EPHA4: variants seen among roughly 807,000 people sequenced by gnomAD.
The protein encoded by EPHA4 is EPH receptor A4, also known as ephrin type-A receptor 4.
In EPHA4, 19 loss-of-function variants were observed where a neutral mutation model predicts 108.3. The ratio of observed to expected loss-of-function variants is 0.18; its 90% CI spans 0.12 to 0.26. EPHA4 has a LOEUF of 0.26. Ranked by LOEUF, EPHA4 falls within the 10% of genes least tolerant of loss-of-function variation. The pLI is 1.00. For synonymous variants in EPHA4, 449 were observed against 455.5 expected, an observed-to-expected ratio of 0.99 and a Z score of 0.18; for missense variants, 917 against 1,254.0, an observed-to-expected ratio of 0.73 and a Z score of 4.06.
chr2:221,459,075 A>AT, intron 5 of EPHA4, among the ~76,000 whole-genome samples: 1 of 152,326 alleles, frequency 6.6e-6, no homozygotes, highest in South Asian at 2.1e-4. Context: ...AGGAACAAAG[A>AT]TAAAAAGTGA....
At chr2:221,434,888 T>G (rs1690183562) in intron 13 of EPHA4, among the ~76,000 whole-genome samples, 1 of 76,350 alleles carries the variant, frequency 1.3e-5, no homozygotes, top group South Asian at 6.0e-4. Flanking sequence ...GGATATTAGT[T>G]GTTATTAAAT....
chr2:221,497,217 T>C (rs755621212), intron 4 of EPHA4, among the ~76,000 whole-genome samples: 15 of 152,146 alleles, frequency 9.9e-5, no homozygotes, highest in Non-Finnish European at 2.1e-4. Context: ...TGCAAATTTT[T>C]TTTATTTCAT....
intron 3 of EPHA4, among the ~76,000 whole-genome samples, chr2:221,542,386 T>A: frequency 6.6e-6 from 1 of 152,150 alleles, no homozygotes; most frequent in Admixed American, 6.5e-5. Flanking sequence ...TCTAACAAGA[T>A]GAATTTCAAG....
At chr2:221,521,774 A>AG (rs1457320559) in intron 3 of EPHA4, among the ~76,000 whole-genome samples, 5 of 152,206 alleles carry the variant, frequency 3.3e-5, no homozygotes, top group African/African-American at 1.2e-4. Context: ...CAAGAGTTTG[A>AG]GACCAGCCTG....
At chr2:221,441,180 AT>A (rs974929808) in intron 11 of EPHA4, among the ~76,000 whole-genome samples, 3 of 136,018 alleles carry the variant, frequency 2.2e-5, no homozygotes, top group Non-Finnish European at 4.7e-5. Context: ...CTAATGTCTC[AT>A]TTTTTCTTTT....
At chr2:221,553,378 T>A (rs1694217110) in intron 3 of EPHA4, among the ~76,000 whole-genome samples, 1 of 152,204 alleles carries the variant, frequency 6.6e-6, no homozygotes, top group Non-Finnish European at 1.5e-5. Context: ...AAGTCTTAAA[T>A]CAGGGAAGTT....
At chr2:221,547,422 T>C (rs1192969981) in intron 3 of EPHA4, among the ~76,000 whole-genome samples, 2 of 152,230 alleles carry the variant, frequency 1.3e-5, no homozygotes, top group East Asian at 3.9e-4. Context: ...GTTGGGTCTA[T>C]GCTTGTAACT....
intron 5 of EPHA4, among the ~76,000 whole-genome samples, chr2:221,475,558 A>T (rs1026601328): frequency 9.9e-5 from 15 of 152,240 alleles, no homozygotes; most frequent in Middle Eastern, 3.2e-3. Flanking sequence ...ACTCCAGAGC[A>T]GATCAGCAAA....
chr2:221,485,665 C>T (rs1691954491), intron 4 of EPHA4, among the ~76,000 whole-genome samples: 1 of 151,954 alleles, frequency 6.6e-6, no homozygotes, highest in Non-Finnish European at 1.5e-5. Flanking sequence ...GTATGCTGTG[C>T]TTGTGGGATT....
At chr2:221,537,005 T>A (rs1453659820) in intron 3 of EPHA4, among the ~76,000 whole-genome samples, 1 of 152,228 alleles carries the variant, frequency 6.6e-6, no homozygotes, top group African/African-American at 2.4e-5. Flanking sequence ...TTTAAATTAA[T>A]GCCATAAAGG....
chr2:221,501,663 G>A (rs1276848874), intron 3 of EPHA4, among the ~76,000 whole-genome samples: 1 of 152,088 alleles, frequency 6.6e-6, no homozygotes, highest in Non-Finnish European at 1.5e-5. Context: ...TTAGTCACAT[G>A]CTATGGAATT....
At chr2:221,431,588 G>A (rs1239728206) in intron 14 of EPHA4, among the ~76,000 whole-genome samples, 1 of 152,102 alleles carries the variant, frequency 6.6e-6, no homozygotes, top group Admixed American at 6.5e-5. Context: ...TTTGTTTCTA[G>A]CAATTACACT....
At chr2:221,490,514 T>G (rs1692108923) in intron 4 of EPHA4, among the ~76,000 whole-genome samples, 1 of 152,156 alleles carries the variant, frequency 6.6e-6, no homozygotes, top group African/African-American at 2.4e-5. Context: ...ATCGATGTAT[T>G]TAAGCACTGC....
intron 3 of EPHA4, among the ~76,000 whole-genome samples, chr2:221,531,563 C>T (rs1012349832): frequency 1.9e-4 from 29 of 152,044 alleles, no homozygotes; most frequent in African/African-American, 6.8e-4. Context: ...AAAGCTACTT[C>T]CTATATAAAT....
chr2:221,488,004 T>A (rs2106146277), intron 4 of EPHA4, among the ~76,000 whole-genome samples: 1 of 152,280 alleles, frequency 6.6e-6, no homozygotes, highest in Middle Eastern at 3.4e-3. Flanking sequence ...CGGCATAATT[T>A]CTCTGTAAAG....
chr2:221,565,307 TAA>T (rs1267645297), intron 2 of EPHA4, among the ~76,000 whole-genome samples: 3 of 152,216 alleles, frequency 2.0e-5, no homozygotes, highest in African/African-American at 7.2e-5. Flanking sequence ...CCACTGTGAC[TAA>T]AAGTTTCACT....
intron 3 of EPHA4, among the ~76,000 whole-genome samples, chr2:221,562,289 CATTCACTGTTAGTTACTCCTAGAAATAA>C (rs1433488816): frequency 3.4e-5 from 5 of 149,244 alleles, no homozygotes; most frequent in Non-Finnish European, 5.9e-5. Context: ...AATGAAAGAA[CATTCACTGTTAGTTACTCCTAGAAATAA>C]CTATAGCTAA....
chr2:221,471,298 G>T lies in EPHA4; in HGVS notation c.1318+11054C>A, dbSNP rs1289713674. ...CAGGGGGTTCACAGCATGTCACAGGGGCCTCTCTCATGAACTCAATTTGCT... is the reference window on the plus strand; with the variant it reads ...CAGGGGGTTCACAGCATGTCACAGGTGCCTCTCTCATGAACTCAATTTGCT... On this transcript the variant is annotated intron_variant, in intron 5 of 17. Coordinates refer to ENST00000281821, the MANE Select transcript of EPHA4 (RefSeq NM_004438.5). 2.0e-5 allele frequency among the ~76,000 whole-genome samples: 3 copies of T among 151,942 alleles called. No individual in the cohort carries two copies. In the East Asian group the frequency reaches 5.8e-4, roughly 29 times the overall value.
Position 221,482,226 on chromosome 2 carries a change from C to T in EPHA4, c.1318+126G>A, listed in dbSNP as rs996545764. Reference sequence around the variant, plus strand: ...GTGCCCAGCCCCTAAGTATCTTTTACATTATAACGCAGCTCCCAGGCTTGA... The same window carrying T: ...GTGCCCAGCCCCTAAGTATCTTTTATATTATAACGCAGCTCCCAGGCTTGA... On this transcript the variant is annotated intron_variant, in intron 5 of 17. Transcript: ENST00000281821. 4 of 1,025,676 alleles carry T rather than the reference C, an allele frequency of 3.9e-6. No homozygotes were observed. In the African/African-American group the frequency reaches 6.5e-5, roughly 17 times the overall value. 63.5% of individuals were successfully genotyped at this position (1,025,676 alleles called of 1,614,324 possible).
Sources: allele counts gnomAD v4.1 joint callset (sites outside exome capture counted in the v4.1 genomes callset), GRCh38; gene constraint gnomAD v4.1.1; transcripts MANE v1.5; gene names NCBI Gene and HGNC (gene_info 2026-07-23, HGNC 2026-07-21).